The following TMC1 variants were observed in gnomAD, a reference collection of about 807,000 sequenced individuals.
TMC1 encodes transmembrane channel-like protein 1.
A neutral mutation model predicts 105.8 loss-of-function variants in TMC1; 84 were observed. The observed-to-expected ratio is 0.79, with a 90% CI of 0.67 to 0.95. The LOEUF (loss-of-function observed/expected upper bound fraction) is 0.95, where lower values mean the gene tolerates loss of function less well. Ranked by LOEUF, TMC1 falls within the 40% of genes least tolerant of loss-of-function variation. The pLI is 0.00. For missense variants in TMC1, 817 were observed against 914.1 expected, an observed-to-expected ratio of 0.89 and a Z score of 1.37; for synonymous variants, 315 against 311.5, an observed-to-expected ratio of 1.01 and a Z score of -0.12.
intron 5 of TMC1, chr9:72,655,930 G>A (rs1338866169): frequency 1.0e-5 from 8 of 798,226 alleles, no homozygotes; most frequent in Non-Finnish European, 1.8e-5. Flanking sequence ...AAGTCAATGA[G>A]TCGCTTGTGG....
In TMC1 at chr9:72,836,653, G is replaced by A. The variant is rs955238641; in HGVS notation, c.*680G>A. ...AGATCTTGAAGATCTCTTACTTTGA[G>A]AAGGTACATGAGTCTTACACAACCT... On this transcript the variant is annotated 3_prime_UTR_variant, in exon 24 of 24. Coordinates refer to ENST00000297784, the MANE Select transcript of TMC1 (RefSeq NM_138691.3). The A allele has an allele frequency of 6.6e-6, 1 of 151,914 alleles. No homozygotes were observed. The highest frequency in any genetic ancestry group is 1.5e-5 in the Non-Finnish European group (1 of 68,068). The allele number at this position is 151,914 out of a possible 1,614,324, so 9.4% of individuals were successfully genotyped here.
chr9:72,754,113 G>C (rs1360835913), intron 11 of TMC1, among the ~76,000 whole-genome samples: 1 of 152,060 alleles, frequency 6.6e-6, no homozygotes, highest in African/African-American at 2.4e-5. Context: ...AAGCTATGGG[G>C]GCTAGAAAGG....
intron 1 of TMC1, among the ~76,000 whole-genome samples, chr9:72,557,307 A>T (rs898892105): frequency 1.6e-4 from 24 of 152,096 alleles, no homozygotes; most frequent in Admixed American, 1.3e-3. Flanking sequence ...GGGGGCAAAG[A>T]TTGCAGTGAG....
At chr9:72,574,623 C>T (rs1233872958) in intron 1 of TMC1, among the ~76,000 whole-genome samples, 1 of 152,228 alleles carries the variant, frequency 6.6e-6, no homozygotes. Flanking sequence ...CACCTGCTAA[C>T]CACAGGAAGC....
At chr9:72,585,805 G>C (rs1025789811) in intron 2 of TMC1, among the ~76,000 whole-genome samples, 7 of 152,196 alleles carry the variant, frequency 4.6e-5, no homozygotes, top group Admixed American at 1.3e-4. Flanking sequence ...ATCATGATGT[G>C]TGTTGTGTAG....
At chr9:72,817,144 C>A (rs886328078) in intron 19 of TMC1, 5 of 152,108 alleles carry the variant, frequency 3.3e-5, no homozygotes, top group Non-Finnish European at 5.9e-5. Context: ...TCTGCAAATG[C>A]TAAAACCGTC....
rs890088641 is a variant in TMC1, at chr9:72,650,890, A to C, written c.16+2226A>C. 3.7e-3 allele frequency among the ~76,000 whole-genome samples: 512 copies of C among 139,624 alleles called. 16 individuals carry two copies. The highest frequency in any genetic ancestry group is 0.013 in the African/African-American group (497 of 37,258). 91.6% of individuals were successfully genotyped at this position (139,624 alleles called of 152,430 possible). The stretch of plus-strand genomic sequence containing the variant: ...GTGTATTTTATATATATAGATATAT[A>C]GATATATATATAAATATATATAGAT... On this transcript the variant is annotated intron_variant, in intron 5 of 23. Transcript: ENST00000297784.
At chr9:72,527,573 C>G (rs1823426846) in intron 1 of TMC1, among the ~76,000 whole-genome samples, 1 of 152,182 alleles carries the variant, frequency 6.6e-6, no homozygotes, top group Non-Finnish European at 1.5e-5. Flanking sequence ...TCACGCTCCT[C>G]CTGCTCCTCC....
Position 72,655,615 on chromosome 9 carries a change from G to A in TMC1, c.16+6951G>A, listed in dbSNP as rs145718896. On this transcript the variant is annotated intron_variant, in intron 5 of 23. Coordinates refer to ENST00000297784, the MANE Select transcript of TMC1 (RefSeq NM_138691.3). ...AAATTAGCCAGGCATGGTGGTGGGCGCCTGTAGTCCCAGCTACTTGTAAGG... is the reference window on the plus strand; with the variant it reads ...AAATTAGCCAGGCATGGTGGTGGGCACCTGTAGTCCCAGCTACTTGTAAGG... 1.8e-4 allele frequency among the ~76,000 whole-genome samples: 27 copies of A among 152,048 alleles called. No homozygotes were observed. In the East Asian group the frequency reaches 3.7e-3, roughly 21 times the overall value.
At position 72,754,801 on chromosome 9, in the gene TMC1, C is replaced by A. The variant is rs771735027; in HGVS notation, c.658C>A (p.Pro220Thr). 2 of 1,613,716 alleles carry A rather than the reference C, an allele frequency of 1.2e-6. No homozygotes were observed. Among genetic ancestry groups the A allele is most frequent in the African/African-American group, 1.3e-5 (1 of 74,908 alleles). The part of the protein sequence containing the change: ...IMLPEYLWGL[P>T]YGSLPRKTVP... ...CTTCATACAGTACCTCTGGGGTTTG[C>A]CATATGGCAGTTTACCTAGGAAAAC... The change falls in exon 12 of 24, where the codon CCA becomes ACA. Residue 220 changes from proline to threonine, a missense_variant. Coordinates refer to ENST00000297784, the MANE Select transcript of TMC1 (RefSeq NM_138691.3).
Position 72,791,397 on chromosome 9 carries a change from A to G in TMC1, c.1225-489A>G, listed in dbSNP as rs1828264407. Reference sequence around the variant, plus strand: ...TCGGCCTTAAAAGTTTACATTTGCCAAAATTCAATATTTAGGCCTAGGCCC... The same window carrying G: ...TCGGCCTTAAAAGTTTACATTTGCCGAAATTCAATATTTAGGCCTAGGCCC... On this transcript the variant is annotated intron_variant, in intron 15 of 23. Transcript: ENST00000297784. Among the ~76,000 whole-genome samples the G allele has an allele frequency of 2.0e-5, 3 of 152,336 alleles. No homozygotes were observed. In the South Asian group the frequency reaches 6.2e-4, roughly 32 times the overall value.
At chr9:72,527,204 C>T (rs1210976730) in intron 1 of TMC1, among the ~76,000 whole-genome samples, 1 of 152,162 alleles carries the variant, frequency 6.6e-6, no homozygotes, top group Non-Finnish European at 1.5e-5. Flanking sequence ...TAAAAATCCC[C>T]TTGAGAACTT....
At position 72,705,630 on chromosome 9, in the gene TMC1, T is replaced by TA. The variant is rs1457189361; in HGVS notation, c.362+4993dup. ...AAGAATGCTTCTGTGGCTATTAAAA[T>TA]AAAAAACAGTTTTAAAAACCCACTT... On this transcript the variant is annotated intron_variant, in intron 8 of 23. Coordinates refer to ENST00000297784, the MANE Select transcript of TMC1 (RefSeq NM_138691.3). Among the ~76,000 whole-genome samples the TA allele has an allele frequency of 2.0e-5, 3 of 152,224 alleles. No individual in the cohort carries two copies. In the East Asian group the frequency reaches 5.8e-4, roughly 29 times the overall value.
chr9:72,700,409 A>G, intron 7 of TMC1, 109 bp from the exon 8 acceptor site: 5 of 857,926 alleles, frequency 5.8e-6, no homozygotes, highest in Non-Finnish European at 8.9e-6. Context: ...TTGACTGCAT[A>G]TGGTTACATT....
intron 1 of TMC1, among the ~76,000 whole-genome samples, chr9:72,552,004 G>GTAGAC (rs1823866815): frequency 6.6e-6 from 1 of 151,974 alleles, no homozygotes; most frequent in South Asian, 2.1e-4. Context: ...TAGTTTCAGA[G>GTAGAC]GTCTAGCATC....
chr9:72,797,887 GAGCTCC>G, intron 17 of TMC1, among the ~76,000 whole-genome samples: 1 of 152,204 alleles, frequency 6.6e-6, no homozygotes, highest in Middle Eastern at 3.4e-3. Context: ...CTAAACTAAA[GAGCTCC>G]AGCACAGCAA....
At chr9:72,554,230 G>A (rs1293687960) in intron 1 of TMC1, among the ~76,000 whole-genome samples, 1 of 151,944 alleles carries the variant, frequency 6.6e-6, no homozygotes, top group African/African-American at 2.4e-5. Context: ...GAATAATTAA[G>A]GGCAATTCTT....
intron 1 of TMC1, among the ~76,000 whole-genome samples, chr9:72,528,578 C>A (rs930537300): frequency 6.6e-6 from 1 of 152,086 alleles, no homozygotes. Flanking sequence ...AGGTGATCCA[C>A]CCGCCTCGGC....
chr9:72,578,209 C>T (rs1438078995), intron 2 of TMC1, 186 bp downstream of exon 2: 1 of 152,278 alleles, frequency 6.6e-6, no homozygotes, highest in Non-Finnish European at 1.5e-5. Context: ...GGACTTTGAG[C>T]ACATTATCTT....
Sources: allele counts gnomAD v4.1 joint callset (sites outside exome capture counted in the v4.1 genomes callset), GRCh38; gene constraint gnomAD v4.1.1; transcripts MANE v1.5; gene names NCBI Gene and HGNC (gene_info 2026-07-23, HGNC 2026-07-21).